The following SIPA1L2 variants were observed in gnomAD, a reference collection of about 807,000 sequenced individuals.
SIPA1L2 encodes signal-induced proliferation-associated 1-like protein 2.
SIPA1L2 carries 56 observed loss-of-function variants against 163.9 expected under a neutral mutation model. The observed-to-expected ratio is 0.34, with a 90% CI of 0.28 to 0.43. The LOEUF is 0.43. Among genes scored for constraint, SIPA1L2 ranks in the 20% least tolerant of loss-of-function variants. The pLI is 1.00. For missense variants in SIPA1L2, 1,974 were observed against 2,193.5 expected (o/e 0.90, Z 2.00); for synonymous variants, 877 against 865.7 (o/e 1.01, Z -0.23).
chr1:232,618,269 G>A (rs1221704116), intron 1 of SIPA1L2, among the ~76,000 whole-genome samples: 3 of 152,184 alleles, frequency 2.0e-5, no homozygotes, highest in Admixed American at 6.5e-5. Context: ...AGCAGCAAAC[G>A]AACAACACCC....
At chr1:232,410,791 G>A (rs1660907822) in intron 19 of SIPA1L2, among the ~76,000 whole-genome samples, 1 of 151,858 alleles carries the variant, frequency 6.6e-6, no homozygotes, top group South Asian at 2.1e-4. Context: ...ACGTTCCTTA[G>A]TAATTAAAAA....
chr1:232,470,669 T>A (rs1444808181), intron 8 of SIPA1L2, among the ~76,000 whole-genome samples: 1 of 152,212 alleles, frequency 6.6e-6, no homozygotes, highest in Non-Finnish European at 1.5e-5. Context: ...TTATTCATCA[T>A]AACAACATAC....
chr1:232,625,337 T>G (rs1055124825), intron 1 of SIPA1L2, among the ~76,000 whole-genome samples: 3 of 152,198 alleles, frequency 2.0e-5, no homozygotes, highest in African/African-American at 7.2e-5. Context: ...TCTAATAATG[T>G]ACAGACAGCA....
intron 1 of SIPA1L2, among the ~76,000 whole-genome samples, chr1:232,600,230 TAAC>T (rs981169874): frequency 9.3e-5 from 14 of 151,038 alleles, no homozygotes; most frequent in Admixed American, 4.6e-4. Context: ...GTGACACAGT[TAAC>T]AAAAAAAAAA....
At chr1:232,572,620 C>T (rs1659793117) in intron 2 of SIPA1L2, among the ~76,000 whole-genome samples, 4 of 150,322 alleles carry the variant, frequency 2.7e-5, no homozygotes, top group Admixed American at 1.3e-4. Context: ...ACCCCCTCCT[C>T]CAGTGGTATT....
At chr1:232,499,163 C>G (rs1572988746) in intron 3 of SIPA1L2, among the ~76,000 whole-genome samples, 1 of 152,066 alleles carries the variant, frequency 6.6e-6, no homozygotes, top group Non-Finnish European at 1.5e-5. Context: ...ACAATGGCCC[C>G]TAAGAGTTAA....
intron 14 of SIPA1L2, among the ~76,000 whole-genome samples, chr1:232,439,718 A>G (rs924353290): frequency 7.9e-5 from 12 of 152,234 alleles, no homozygotes; most frequent in African/African-American, 2.9e-4. Context: ...TTAAATGGGT[A>G]TCTTTAAGTC....
At chr1:232,609,829 CAAAAAAAAAA>C (rs71173228) in intron 1 of SIPA1L2, among the ~76,000 whole-genome samples, 1 of 102,338 alleles carries the variant, frequency 9.8e-6, no homozygotes, top group Middle Eastern at 4.4e-3. Flanking sequence ...GACTCCATCT[CAAAAAAAAAA>C]AAAAAAGAAA....
In SIPA1L2 at chr1:232,465,075, C is replaced by T. The variant is rs758179374; in HGVS notation, c.2585G>A (p.Arg862Gln). ...IGAIMWHVIA[R>Q]DFGQSADIEC... The stretch of plus-strand genomic sequence containing the variant: ...AATGTCAGCAGACTGGCCGAAGTCC[C>T]GGGCTATCACGTGCCACATGATGGC... Residue 862 changes from arginine to glutamine, a missense_variant, in exon 9 of 23, where the codon CGG becomes CAG. By Grantham distance (43) the Arg-to-Gln change is conservative. Around this residue, in one of 3 missense-constraint regions of SIPA1L2, gnomAD observed 1,079 missense variants for 1,150.7 expected, o/e 0.94. Transcript: ENST00000674635. The surrounding 1 kb of genome is among the most constrained non-coding windows in gnomAD (Gnocchi z 4.1). 15 of 1,614,158 alleles carry T rather than the reference C, an allele frequency of 9.3e-6. No homozygotes were observed. The highest frequency in any genetic ancestry group is 1.6e-4 in the Middle Eastern group (1 of 6,062).
Position 232,425,635 on chromosome 1 carries a change from C to T in SIPA1L2, c.4584G>A (p.Thr1528=), listed in dbSNP as rs762318272. ...GTGCGGGGTGGGCCCGCGGAGGCAG[C>T]GTGCTGTGGTAGGGTGGGGTGGTGC... The part of the protein sequence containing the change: ...LFSTTPPYHS[T]LPPRAHPAPS... Residue 1528 remains threonine (T), a synonymous_variant, in exon 18 of 23, where the codon ACG becomes ACA. Coordinates refer to ENST00000674635, the MANE Select transcript of SIPA1L2 (RefSeq NM_020808.5). 2.3e-5 allele frequency: 37 copies of T among 1,611,342 alleles called. No individual in the cohort carries two copies. The highest frequency in any genetic ancestry group is 2.9e-5 in the Non-Finnish European group (34 of 1,179,014).
At position 232,587,263 on chromosome 1, in the gene SIPA1L2, C is replaced by A. The variant is rs12409226; in HGVS notation, c.-318-13041G>T. On this transcript the variant is annotated intron_variant, in intron 1 of 22. Transcript: ENST00000674635. ...GGACACAGGAGTCAACAGCCCCAGT[C>A]AAAGTGCCACACTCCAGGAACTCTC... Among the ~76,000 whole-genome samples the A allele has an allele frequency of 2.0e-5, 3 of 152,050 alleles. No homozygotes were observed. The South Asian group carries it at 6.2e-4, about 31-fold the overall frequency.
intron 7 of SIPA1L2, among the ~76,000 whole-genome samples, chr1:232,474,060 A>G (rs953120651): frequency 2.0e-5 from 3 of 152,190 alleles, no homozygotes; most frequent in East Asian, 1.9e-4. Flanking sequence ...ATGAAATTCT[A>G]TACAATCAGA....
chr1:232,527,190 C>A (rs1667749587), intron 2 of SIPA1L2, among the ~76,000 whole-genome samples: 1 of 152,196 alleles, frequency 6.6e-6, no homozygotes, highest in African/African-American at 2.4e-5. Flanking sequence ...GGTACAACTT[C>A]CAAGGTCACT....
chr1:232,589,883 A>G (rs1660874143), intron 1 of SIPA1L2, among the ~76,000 whole-genome samples: 1 of 152,252 alleles, frequency 6.6e-6, no homozygotes, highest in African/African-American at 2.4e-5. Flanking sequence ...ATAGTAAGGC[A>G]TATGCGTTTC....
intron 2 of SIPA1L2, among the ~76,000 whole-genome samples, chr1:232,530,954 T>C (rs1656880079): frequency 6.6e-6 from 1 of 152,158 alleles, no homozygotes; most frequent in African/African-American, 2.4e-5. Flanking sequence ...AAATGTGAAA[T>C]TGGGAACGCT....
At chr1:232,422,250 T>C (rs561672244) in intron 18 of SIPA1L2, among the ~76,000 whole-genome samples, 1 of 152,172 alleles carries the variant, frequency 6.6e-6, no homozygotes, top group African/African-American at 2.4e-5. Context: ...TACCTCCAAG[T>C]TGAAGACATA....
chr1:232,579,385 G>C (rs1047705344), intron 1 of SIPA1L2, among the ~76,000 whole-genome samples: 2 of 152,084 alleles, frequency 1.3e-5, no homozygotes, highest in African/African-American at 4.8e-5. Context: ...AAAACACTCC[G>C]GTCTAGACTC....
chr1:232,594,425 G>A (rs908652307), intron 1 of SIPA1L2, among the ~76,000 whole-genome samples: 1 of 152,056 alleles, frequency 6.6e-6, no homozygotes, highest in Non-Finnish European at 1.5e-5. Flanking sequence ...AGAGACGTGA[G>A]TGAACACCGA....
At chr1:232,592,185 A>G (rs1360703403) in intron 1 of SIPA1L2, among the ~76,000 whole-genome samples, 1 of 152,246 alleles carries the variant, frequency 6.6e-6, no homozygotes, top group Non-Finnish European at 1.5e-5. Context: ...ACTTACTTAG[A>G]GGCTGTCTGA....
Sources: allele counts gnomAD v4.1 joint callset (sites outside exome capture counted in the v4.1 genomes callset), GRCh38; gene constraint gnomAD v4.1.1; regional missense constraint gnomAD v4.1.1; non-coding constraint Gnocchi (gnomAD v3.1); transcripts MANE v1.5; gene names NCBI Gene and HGNC (gene_info 2026-07-23, HGNC 2026-07-21).